The following WWOX variants were observed in gnomAD, a reference collection of about 807,000 sequenced individuals.
WWOX encodes the protein WW domain containing oxidoreductase.
Under a neutral mutation model 46.2 loss-of-function variants are expected in WWOX, and 69 were observed. That is an observed-to-expected ratio of 1.49 (90% CI 1.23 to 1.82). The LOEUF is 1.82. Ranked by LOEUF, WWOX falls within the 40% of genes most tolerant of loss-of-function variation. The pLI, the probability that WWOX is intolerant of heterozygous loss-of-function variation, is 0.00. For missense variants in WWOX, 919 were observed against 542.6 expected (o/e 1.69, Z -6.89); for synonymous variants, 359 against 202.6 (o/e 1.77, Z -6.56).
intron 8 of WWOX, among the ~76,000 whole-genome samples, chr16:78,950,045 C>G (rs1191804473): frequency 2.6e-5 from 4 of 152,194 alleles, no homozygotes; most frequent in Non-Finnish European, 5.9e-5. Flanking sequence ...AGCTCTAGGT[C>G]TAGTCTGCCA....
intron 8 of WWOX, among the ~76,000 whole-genome samples, chr16:78,683,522 A>G (rs1294682340): frequency 6.6e-6 from 1 of 151,110 alleles, no homozygotes; most frequent in Non-Finnish European, 1.5e-5. Flanking sequence ...CCTGGCTGAC[A>G]GAGGGAGACT....
intron 5 of WWOX, among the ~76,000 whole-genome samples, chr16:78,174,484 C>T (rs1397093975): frequency 6.6e-6 from 1 of 152,216 alleles, no homozygotes; most frequent in South Asian, 2.1e-4. Context: ...CAGACACAAA[C>T]ATTCAATTCA....
At chr16:78,228,915 G>A (rs531132972) in intron 5 of WWOX, among the ~76,000 whole-genome samples, 2 of 152,106 alleles carry the variant, frequency 1.3e-5, no homozygotes, top group African/African-American at 4.8e-5. Flanking sequence ...ATCCTTTGTG[G>A]TGATTATGCG....
intron 8 of WWOX, among the ~76,000 whole-genome samples, chr16:78,988,639 C>T (rs1483025817): frequency 4.6e-5 from 7 of 152,186 alleles, no homozygotes; most frequent in African/African-American, 7.2e-5. Flanking sequence ...AAGGAAGTTA[C>T]TGATGTGTTC....
intron 8 of WWOX, among the ~76,000 whole-genome samples, chr16:79,137,443 A>G (rs970516787): frequency 1.3e-5 from 2 of 152,184 alleles, no homozygotes; most frequent in Non-Finnish European, 2.9e-5. Context: ...GAATTCACTT[A>G]TGAATGTTCT....
At chr16:78,587,151 G>C (rs1018984474) in intron 8 of WWOX, among the ~76,000 whole-genome samples, 1 of 149,194 alleles carries the variant, frequency 6.7e-6, no homozygotes, top group East Asian at 2.0e-4. Flanking sequence ...TCAGCCTCTT[G>C]AGTGGCTGGA....
intron 8 of WWOX, among the ~76,000 whole-genome samples, chr16:78,767,723 A>G (rs2049958758): frequency 6.6e-6 from 1 of 152,028 alleles, no homozygotes; most frequent in African/African-American, 2.4e-5. Context: ...ACATCTACCC[A>G]ATACTTATTT....
intron 8 of WWOX, chr16:78,891,395 A>G (rs943721129): frequency 6.6e-6 from 1 of 152,162 alleles, no homozygotes. Flanking sequence ...TCCTGTTACC[A>G]GGGAATACAG....
intron 8 of WWOX, among the ~76,000 whole-genome samples, chr16:78,905,457 C>T (rs1223371383): frequency 1.3e-5 from 2 of 152,204 alleles, no homozygotes; most frequent in Non-Finnish European, 2.9e-5. Flanking sequence ...TCATGGCTTA[C>T]TGCAGACTCA....
At chr16:79,207,954 C>T (rs1053437014) in intron 8 of WWOX, among the ~76,000 whole-genome samples, 5 of 152,070 alleles carry the variant, frequency 3.3e-5, no homozygotes, top group East Asian at 1.9e-4. Flanking sequence ...ATCCCAACAC[C>T]GAGTTTTGGA....
In WWOX at chr16:78,642,710, C is replaced by A. The variant is rs75512485; in HGVS notation, c.1056+209958C>A. Among the ~76,000 whole-genome samples the A allele has an allele frequency of 2.2e-4, 33 of 152,206 alleles. No individual in the cohort carries two copies. The East Asian group carries it at 6.2e-3, about 29-fold the overall frequency. ...TCCCACCTCGACCGCTATGGTATTT[C>A]TTTTGCTTCTGCTGAGGCTGTGTGT... On this transcript the variant is annotated intron_variant, in intron 8 of 8. Transcript: ENST00000566780.
chr16:78,896,788 TATGCATACATATA>T (rs1175827222), intron 8 of WWOX: 1 of 152,164 alleles, frequency 6.6e-6, no homozygotes, highest in African/African-American at 2.4e-5. Context: ...AGAAAATGTA[TATGCATACATATA>T]CATATATTAT....
intron 1 of WWOX, among the ~76,000 whole-genome samples, chr16:78,102,356 A>G (rs989938860): frequency 6.6e-6 from 1 of 152,208 alleles, no homozygotes; most frequent in African/African-American, 2.4e-5. Context: ...AGGTTAAGGC[A>G]GGGAAGGGAG....
At position 78,486,250 on chromosome 16, in the gene WWOX, A is replaced by G. The variant is rs940825326; in HGVS notation, c.1056+53498A>G. On this transcript the variant is annotated intron_variant, in intron 8 of 8. Coordinates refer to ENST00000566780, the MANE Select transcript of WWOX (RefSeq NM_016373.4). ...GTTGCAGCTTGGAACTTGGAGTTAG[A>G]AAGAGATGTGTAGTCCCATACCATT... Among the ~76,000 whole-genome samples the G allele has an allele frequency of 6.6e-5, 10 of 152,282 alleles. No homozygotes were observed. In the East Asian group the frequency reaches 1.7e-3, roughly 26 times the overall value.
At chr16:78,665,324 G>T (rs1009679229) in intron 8 of WWOX, among the ~76,000 whole-genome samples, 2 of 152,184 alleles carry the variant, frequency 1.3e-5, no homozygotes, top group African/African-American at 4.8e-5. Context: ...CTTACCCATT[G>T]TGGATTCAGT....
At chr16:78,502,096 C>T (rs972668688) in intron 8 of WWOX, among the ~76,000 whole-genome samples, 1 of 152,194 alleles carries the variant, frequency 6.6e-6, no homozygotes, top group Non-Finnish European at 1.5e-5. Context: ...TTATACTTGT[C>T]TTCCTTCCCA....
intron 8 of WWOX, among the ~76,000 whole-genome samples, chr16:79,122,033 C>T (rs1224363704): frequency 1.3e-5 from 2 of 152,126 alleles, no homozygotes; most frequent in Non-Finnish European, 2.9e-5. Context: ...TAATTCCTTA[C>T]AACCCTGATG....
chr16:78,836,894 A>AG (rs902368650), intron 8 of WWOX, among the ~76,000 whole-genome samples: 3 of 152,146 alleles, frequency 2.0e-5, no homozygotes, highest in African/African-American at 4.8e-5. Context: ...TTTGCGAAGA[A>AG]GTTTTTTCTT....
chr16:78,575,995 A>G (rs1245493357), intron 8 of WWOX, among the ~76,000 whole-genome samples: 1 of 152,154 alleles, frequency 6.6e-6, no homozygotes, highest in Non-Finnish European at 1.5e-5. Context: ...CATTTTTCAG[A>G]GCATGTACTG....
Sources: gnomAD v4.1 joint callset for allele counts (sites outside exome capture counted in the v4.1 genomes callset) on GRCh38, gnomAD v4.1.1 for gene constraint, MANE v1.5 for transcripts, NCBI Gene and HGNC (gene_info 2026-07-23, HGNC 2026-07-21) for gene names.